The following DCTN1 variants were observed in gnomAD, a reference collection of about 807,000 sequenced individuals.
DCTN1 encodes 150 kDa dynein-associated polypeptide.
A neutral mutation model predicts 161.2 loss-of-function variants in DCTN1; 61 were observed. The observed-to-expected ratio is 0.38, with a 90% CI of 0.31 to 0.47. The LOEUF is 0.47. Ranked by LOEUF, DCTN1 falls within the 20% of genes least tolerant of loss-of-function variation. The pLI is 0.99. For synonymous variants in DCTN1, 653 were observed against 632.4 expected, an observed-to-expected ratio of 1.03 and a Z score of -0.49; for missense variants, 1,404 against 1,623.7, an observed-to-expected ratio of 0.86 and a Z score of 2.33.
chr2:74,382,943 C>T (rs559963327), upstream of DCTN1, among the ~76,000 whole-genome samples: 4 of 151,720 alleles, frequency 2.6e-5, no homozygotes, highest in South Asian at 2.1e-4. Flanking sequence ...GGCGCGGTGG[C>T]GGGCGCCTGT....
intron 1 of DCTN1, chr2:74,391,702 C>A: frequency 2.3e-6 from 1 of 426,390 alleles, no homozygotes; most frequent in South Asian, 1.6e-5. Context: ...CCGCCCCGCA[C>A]ACCGGGCTCG....
At chr2:74,373,536 C>T (rs1176731482) in intron 6 of DCTN1, among the ~76,000 whole-genome samples, 3 of 152,132 alleles carry the variant, frequency 2.0e-5, no homozygotes, top group African/African-American at 4.8e-5. Context: ...GCAGCAGTCC[C>T]GATCACTAGG....
Position 74,365,518 on chromosome 2 carries a change from TC to T in DCTN1, c.3025del (p.Glu1009ArgfsTer25), listed in dbSNP as rs1288795901. ...EETQALLRKKEKEFEETMDAL... is the reference protein window; with the variant it reads ...EETQALLRKKXKEFEETMDAL... ...GGCCCCAGGGAAAGTGCCTGACTTCTCCTTCTTTCGCAGCAGTGCCTGGGTC... is the reference window on the plus strand; with the variant it reads ...GGCCCCAGGGAAAGTGCCTGACTTCTCTTCTTTCGCAGCAGTGCCTGGGTC... On this transcript the variant is annotated frameshift_variant, in exon 25 of 32. Coordinates refer to ENST00000628224, the MANE Select transcript of DCTN1 (RefSeq NM_004082.5). LOFTEE classifies it high-confidence loss of function. 1 of 1,614,062 alleles carries T rather than the reference TC, an allele frequency of 6.2e-7. No homozygotes were observed.
intron 29 of DCTN1, 66 bp downstream of exon 29, chr2:74,362,928 G>A: frequency 1.9e-6 from 3 of 1,569,510 alleles, no homozygotes; most frequent in Non-Finnish European, 1.7e-6. Context: ...ACCTGAGCAG[G>A]GGCTAAATCC....
chr2:74,373,537 G>C (rs757320776), intron 6 of DCTN1, among the ~76,000 whole-genome samples: 2 of 152,084 alleles, frequency 1.3e-5, no homozygotes, highest in Non-Finnish European at 1.5e-5. Flanking sequence ...CAGCAGTCCC[G>C]ATCACTAGGG....
Position 74,367,078 on chromosome 2 carries a change from A to G in DCTN1, c.2283T>C (p.Ser761=), listed in dbSNP as rs879630850. 9 of 1,614,140 alleles carry G rather than the reference A, an allele frequency of 5.6e-6. No homozygotes were observed. The highest frequency in any genetic ancestry group is 7.6e-6 in the Non-Finnish European group (9 of 1,180,026). The part of the protein sequence containing the change: ...KFTQSALDCM[S]VEVGRLRAFL... Reference sequence around the variant, plus strand: ...AGGCACGCAGCCGTCCTACCTCCACACTCATGCAGTCCAGAGCACTCTGCG... The same window carrying G: ...AGGCACGCAGCCGTCCTACCTCCACGCTCATGCAGTCCAGAGCACTCTGCG... Residue 761 remains serine (S), a synonymous_variant, in exon 20 of 32, where the codon AGT becomes AGC. Transcript: ENST00000628224.
At chr2:74,363,233 T>C (rs113461978) in intron 28 of DCTN1, 56 bp from the exon 29 acceptor site, 659 of 1,613,970 alleles carry the variant, frequency 4.1e-4, no homozygotes, top group Non-Finnish European at 5.4e-4. Context: ...CCCTGTCATC[T>C]ATCATCAATG....
At chr2:74,376,114 C>A (rs996728921) in intron 5 of DCTN1, among the ~76,000 whole-genome samples, 2 of 152,108 alleles carry the variant, frequency 1.3e-5, no homozygotes, top group Admixed American at 6.5e-5. Flanking sequence ...CATGATTGAG[C>A]CCCACTCCAA....
At position 74,366,290 on chromosome 2, in the gene DCTN1, G is replaced by A. The variant is rs201949927; in HGVS notation, c.2714C>T (p.Thr905Ile). Reference protein sequence around the residue: ...ILISTMNKLATAMQEGEYDAE... With the variant: ...ILISTMNKLAIAMQEGEYDAE... Reference sequence around the variant, plus strand: ...ATCATACTCCCCCTCCTGCATGGCTGTGGCCAGCTTGTTCATGGTACTGAT... The same window carrying A: ...ATCATACTCCCCCTCCTGCATGGCTATGGCCAGCTTGTTCATGGTACTGAT... Residue 905 changes from threonine to isoleucine, a missense_variant, in exon 23 of 32, where the codon ACA (threonine) becomes ATA (isoleucine). This residue lies in a region of DCTN1 where 475 missense variants were observed against 489.8 expected (regional missense o/e 0.97). Transcript: ENST00000628224. The A allele has an allele frequency of 1.9e-6, 3 of 1,614,216 alleles. No homozygotes were observed. Among genetic ancestry groups the A allele is most frequent in the African/African-American group, 2.7e-5 (2 of 75,052 alleles).
At position 74,369,910 on chromosome 2, in the gene DCTN1, C is replaced by T; in HGVS notation, c.1392+55G>A. 1.3e-6 allele frequency: 2 copies of T among 1,574,642 alleles called. No homozygotes were observed. The highest frequency in any genetic ancestry group is 1.7e-4 in the Middle Eastern group (1 of 6,004). ...TGCTCAAAGGCCAAGGGTCACATGT[C>T]AATCTTTTTCTCAGCAGGTCCAAGT... On this transcript the variant is annotated intron_variant, in intron 13 of 31. Coordinates refer to ENST00000628224, the MANE Select transcript of DCTN1 (RefSeq NM_004082.5). This position sits in a 1 kb window ranked among gnomAD's most constrained non-coding sequence, Gnocchi z 4.9.
upstream of DCTN1, among the ~76,000 whole-genome samples, chr2:74,383,541 AG>A (rs1675602548): frequency 6.6e-6 from 1 of 152,266 alleles, no homozygotes; most frequent in Non-Finnish European, 1.5e-5. Context: ...GAGTGCAGGC[AG>A]GAGCAACCTG....
chr2:74,388,322 T>G (rs1675834975), intron 1 of DCTN1, among the ~76,000 whole-genome samples: 1 of 152,122 alleles, frequency 6.6e-6, no homozygotes, highest in African/African-American at 2.4e-5. Context: ...GTGATGATCT[T>G]GTCTGTGAAT....
chr2:74,361,191 T>C lies in DCTN1; in HGVS notation c.*308A>G, dbSNP rs1673954723. 1 of 503,284 alleles carries C rather than the reference T, an allele frequency of 2.0e-6. No individual in the cohort carries two copies. The highest frequency in any genetic ancestry group is 2.4e-5 in the Admixed American group (1 of 41,824). 31.2% of individuals were successfully genotyped at this position (503,284 alleles called of 1,614,324 possible). On this transcript the variant is annotated 3_prime_UTR_variant, in exon 32 of 32. Transcript: ENST00000628224. Reference sequence around the variant, plus strand: ...AAGTTGCTTTAATCAAGGGGTGAAGTCCTCAATCAAGGGGACCTCACTTAA... The same window carrying C: ...AAGTTGCTTTAATCAAGGGGTGAAGCCCTCAATCAAGGGGACCTCACTTAA...
At chr2:74,383,092 A>G (rs188868925), upstream of DCTN1, among the ~76,000 whole-genome samples, 1 of 150,124 alleles carries the variant, frequency 6.7e-6, no homozygotes, top group African/African-American at 2.5e-5. Flanking sequence ...AAAAAAAAAA[A>G]AATAAATAAA....
At position 74,368,047 on chromosome 2, in the gene DCTN1, C is replaced by A. The variant is rs1273878951; in HGVS notation, c.1939G>T (p.Gly647Trp). Reference protein sequence around the residue: ...SERPGLRGAAGEQLSFAAGLV... With the variant: ...SERPGLRGAAWEQLSFAAGLV... ...CCAGCAGCAAAGCTGAGTTGCTCCC[C>A]AGCAGCTCCTCGCAGCCCAGGCCGC... The change falls in exon 17 of 32, where the codon GGG (glycine) becomes TGG (tryptophan). Residue 647 changes from glycine (G) to tryptophan (W), a missense_variant. Gly to Trp is a radical substitution (Grantham distance 184). Coordinates refer to ENST00000628224, the MANE Select transcript of DCTN1 (RefSeq NM_004082.5). The A allele has an allele frequency of 2.5e-6, 4 of 1,613,876 alleles. No individual in the cohort carries two copies. The highest frequency in any genetic ancestry group is 3.3e-5 in the Admixed American group (2 of 59,974).
chr2:74,374,244 G>GCCCCCCCCCC, intron 6 of DCTN1, 79 bp downstream of exon 6: 2 of 1,481,134 alleles, frequency 1.4e-6, no homozygotes, highest in Non-Finnish European at 1.9e-6. Context: ...AAGTCAATCA[G>GCCCCCCCCCC]CCCCCACCCC....
intron 5 of DCTN1, among the ~76,000 whole-genome samples, chr2:74,375,000 C>G (rs1675140065): frequency 6.6e-6 from 1 of 152,160 alleles, no homozygotes; most frequent in Admixed American, 6.5e-5. Context: ...TCACATTCTG[C>G]CCCCGCCACC....
At position 74,373,183 on chromosome 2, in the gene DCTN1, C is replaced by T. The variant is rs1430005283; in HGVS notation, c.433-235G>A. On this transcript the variant is annotated intron_variant, in intron 6 of 31. Transcript: ENST00000628224. ...GTTCCTGCTCCCACTTTTGTCCAAT[C>T]CTTGCAGGCCTCACCCCTTCAGACA... The T allele has an allele frequency of 8.2e-6, 5 of 606,508 alleles. No individual in the cohort carries two copies. The African/African-American group carries it at 9.2e-5, about 11-fold the overall frequency. The allele number at this position is 606,508 out of a possible 1,614,324, so 37.6% of individuals were successfully genotyped here.
At chr2:74,367,258 C>A in intron 19 of DCTN1, 94 bp downstream of exon 19, 1 of 1,554,550 alleles carries the variant, frequency 6.4e-7, no homozygotes, top group Non-Finnish European at 8.8e-7. Flanking sequence ...CTGCCCTAGT[C>A]TTATGTGACA....
Sources: gnomAD v4.1 joint callset for allele counts (sites outside exome capture counted in the v4.1 genomes callset) on GRCh38, gnomAD v4.1.1 for gene constraint, gnomAD v4.1.1 regional missense constraint, Gnocchi (gnomAD v3.1) non-coding constraint, MANE v1.5 for transcripts, NCBI Gene and HGNC (gene_info 2026-07-23, HGNC 2026-07-21) for gene names.